FBXO42: variants seen among roughly 807,000 people sequenced by gnomAD.
FBXO42 encodes F-box only protein 42.
A neutral mutation model predicts 71.7 loss-of-function variants in FBXO42; 12 were observed. The observed-to-expected ratio is 0.17, with a 90% CI of 0.11 to 0.27. The LOEUF is 0.27. Ranked by LOEUF, FBXO42 falls within the 10% of genes least tolerant of loss-of-function variation. The probability of loss-of-function intolerance (pLI) is 1.00; values close to 1 mark genes in which losing one functional copy is unlikely to be tolerated. For synonymous variants in FBXO42, 325 were observed against 327.5 expected (o/e 0.99, Z 0.08); for missense variants, 707 against 911.9 (o/e 0.78, Z 2.89).
intron 2 of FBXO42, among the ~76,000 whole-genome samples, chr1:16,308,894 C>T (rs1298101422): frequency 6.6e-6 from 1 of 151,394 alleles, no homozygotes; most frequent in African/African-American, 2.4e-5. Flanking sequence ...CAGGCATGTG[C>T]CACCATGCCT....
chr1:16,315,337 G>T lies in FBXO42; in HGVS notation c.82C>A (p.Gln28Lys). Residue 28 changes from glutamine to lysine, a missense_variant, in exon 2 of 10, where the codon CAA (glutamine) becomes AAA (lysine). Coordinates refer to ENST00000375592, the MANE Select transcript of FBXO42 (RefSeq NM_018994.3). ...EETVLEGTMD[Q>K]DEEPHPVLEA... Reference sequence around the variant, plus strand: ...AATACTGGGTGGGGCTCCTCATCTTGATCCATTGTCCCTTCCAGCACAGTT... The same window carrying T: ...AATACTGGGTGGGGCTCCTCATCTTTATCCATTGTCCCTTCCAGCACAGTT... The T allele has an allele frequency of 6.2e-7, 1 of 1,614,124 alleles. No individual in the cohort carries two copies. The highest frequency in any genetic ancestry group is 8.5e-7 in the Non-Finnish European group (1 of 1,180,022).
intron 1 of FBXO42, among the ~76,000 whole-genome samples, chr1:16,334,498 C>A (rs1055453392): frequency 2.0e-5 from 3 of 150,978 alleles, no homozygotes; most frequent in Non-Finnish European, 4.4e-5. Flanking sequence ...GCACTTGGAG[C>A]AAAAGGCCAG....
intron 1 of FBXO42, among the ~76,000 whole-genome samples, chr1:16,349,647 G>A (rs961153831): frequency 6.6e-6 from 1 of 152,108 alleles, no homozygotes; most frequent in East Asian, 1.9e-4. Context: ...GATCGCCTGC[G>A]GTCAGGAGTT....
At chr1:16,280,073 C>G (rs1428586051) in intron 4 of FBXO42, among the ~76,000 whole-genome samples, 1 of 152,126 alleles carries the variant, frequency 6.6e-6, no homozygotes, top group Non-Finnish European at 1.5e-5. Context: ...GTCTTGAACT[C>G]CTGGCCTCGA....
chr1:16,255,501 A>C (rs2081632580), intron 6 of FBXO42, among the ~76,000 whole-genome samples: 1 of 151,996 alleles, frequency 6.6e-6, no homozygotes, highest in African/African-American at 2.4e-5. Context: ...TGCCCGGCTA[A>C]TTTTTGTATT....
intron 1 of FBXO42, among the ~76,000 whole-genome samples, chr1:16,325,243 A>C (rs1357524030): frequency 6.6e-6 from 1 of 152,154 alleles, no homozygotes; most frequent in Non-Finnish European, 1.5e-5. Context: ...GTCCCAAAAC[A>C]ACAACAACAA....
intron 3 of FBXO42, among the ~76,000 whole-genome samples, chr1:16,296,867 A>G (rs1032035908): frequency 6.6e-6 from 1 of 151,808 alleles, no homozygotes; most frequent in Non-Finnish European, 1.5e-5. Flanking sequence ...TGCCACTACT[A>G]TAATCACCTC....
chr1:16,281,094 C>G (rs543049396), intron 4 of FBXO42, among the ~76,000 whole-genome samples: 2 of 152,282 alleles, frequency 1.3e-5, no homozygotes, highest in African/African-American at 4.8e-5. Context: ...TCCCGAGTAG[C>G]TGGGATTACA....
intron 1 of FBXO42, among the ~76,000 whole-genome samples, chr1:16,342,181 G>A (rs1213089158): frequency 1.3e-5 from 2 of 151,768 alleles, no homozygotes; most frequent in Admixed American, 1.3e-4. Context: ...CGGATCACTT[G>A]AAGCTGGGAG....
At chr1:16,316,741 AAAAAAAAAAAAAAG>A (rs1223378155) in intron 1 of FBXO42, among the ~76,000 whole-genome samples, 3 of 151,340 alleles carry the variant, frequency 2.0e-5, no homozygotes, top group Non-Finnish European at 4.4e-5. Context: ...AAAAAAAAAA[AAAAAAAAAAAAAAG>A]ATAGTAAATG....
intron 1 of FBXO42, among the ~76,000 whole-genome samples, chr1:16,328,575 A>T (rs555543805): frequency 3.3e-5 from 5 of 152,300 alleles, no homozygotes; most frequent in Admixed American, 3.3e-4. Flanking sequence ...GTTTAAATAG[A>T]TACAGATGGT....
chr1:16,309,775 T>G (rs1378664728), intron 2 of FBXO42, among the ~76,000 whole-genome samples: 1 of 151,726 alleles, frequency 6.6e-6, no homozygotes, highest in Non-Finnish European at 1.5e-5. Context: ...CCGGGTGCAG[T>G]GGCTCACACC....
At chr1:16,313,324 C>CAAAGAAAGAAAG (rs57296538) in intron 2 of FBXO42, among the ~76,000 whole-genome samples, 1,839 of 137,784 alleles carry the variant, frequency 0.013, 38 homozygotes, top group African/African-American at 0.041. Flanking sequence ...GAAAAGAAAA[C>CAAAGAAAGAAAG]AAAGAAAGAA....
At chr1:16,310,357 T>C (rs2082301029) in intron 2 of FBXO42, among the ~76,000 whole-genome samples, 2 of 150,340 alleles carry the variant, frequency 1.3e-5, no homozygotes, top group South Asian at 4.2e-4. Flanking sequence ...TGAGGTTCCA[T>C]CTGAAAAAAA....
Position 16,261,871 on chromosome 1 carries a change from AT to A in FBXO42, c.503-5113del, listed in dbSNP as rs138845760. Among the ~76,000 whole-genome samples the A allele has an allele frequency of 3.3e-5, 5 of 151,556 alleles. No homozygotes were observed. The South Asian group carries it at 1.0e-3, about 32-fold the overall frequency. ...GGCACCCCCCGCCATGCTCAAGCTAATTTTTTTTATTGTTGTATTTTTAGTA... is the reference window on the plus strand; with the variant it reads ...GGCACCCCCCGCCATGCTCAAGCTAATTTTTTTATTGTTGTATTTTTAGTA... On this transcript the variant is annotated intron_variant, in intron 4 of 9. Coordinates refer to ENST00000375592, the MANE Select transcript of FBXO42 (RefSeq NM_018994.3).
Position 16,316,612 on chromosome 1 carries a change from G to A in FBXO42, c.-17-1177C>T, listed in dbSNP as rs147950465. On this transcript the variant is annotated intron_variant, in intron 1 of 9. Coordinates refer to ENST00000375592, the MANE Select transcript of FBXO42 (RefSeq NM_018994.3). ...TAGCCAGGTGTAGTGGCGCGTGCCT[G>A]TAATCCCAGCTACTCAGGAGGCTGA... Among the ~76,000 whole-genome samples, 900 of 151,102 alleles carry A rather than the reference G, an allele frequency of 6.0e-3. 7 individuals carry two copies. Among genetic ancestry groups the A allele is most frequent in the African/African-American group, 0.021 (864 of 41,150 alleles).
chr1:16,345,806 C>G (rs927571173), intron 1 of FBXO42, among the ~76,000 whole-genome samples: 1 of 150,962 alleles, frequency 6.6e-6, no homozygotes, highest in Non-Finnish European at 1.5e-5. Context: ...CGAGATCAAG[C>G]CACTGCACTC....
At chr1:16,262,848 T>TACA (rs1156858958) in intron 4 of FBXO42, among the ~76,000 whole-genome samples, 2 of 151,202 alleles carry the variant, frequency 1.3e-5, no homozygotes, top group Non-Finnish European at 2.9e-5. Flanking sequence ...TAGCTGGGAC[T>TACA]ACAGGCACGT....
intron 1 of FBXO42, among the ~76,000 whole-genome samples, chr1:16,330,750 G>A (rs192782038): frequency 4.6e-5 from 7 of 152,064 alleles, no homozygotes; most frequent in Admixed American, 3.3e-4. Flanking sequence ...AGACCAGCCC[G>A]GCCAACACTG....
Sources: gnomAD v4.1 joint callset for allele counts (sites outside exome capture counted in the v4.1 genomes callset) on GRCh38, gnomAD v4.1.1 for gene constraint, MANE v1.5 for transcripts, NCBI Gene and HGNC (gene_info 2026-07-23, HGNC 2026-07-21) for gene names.